Variants in RSRC1 observed in about 807,000 individuals in gnomAD.
RSRC1 encodes serine/Arginine-related protein 53.
In RSRC1, 39 loss-of-function variants were observed where a neutral mutation model predicts 49.1. That is an observed-to-expected ratio of 0.79 (90% CI 0.61 to 1.04). RSRC1 has a LOEUF of 1.04. Ranked by LOEUF, RSRC1 falls within the 50% of genes least tolerant of loss-of-function variation. The probability of loss-of-function intolerance (pLI) is 0.00; values close to 1 mark genes in which losing one functional copy is unlikely to be tolerated. For missense variants in RSRC1, 388 were observed against 402.4 expected (o/e 0.96, Z 0.31); for synonymous variants, 143 against 130.8 (o/e 1.09, Z -0.63).
intron 5 of RSRC1, among the ~76,000 whole-genome samples, chr3:158,311,116 T>C (rs1728096822): frequency 6.6e-6 from 1 of 151,876 alleles, no homozygotes; most frequent in African/African-American, 2.4e-5. Flanking sequence ...CCAATCAAAA[T>C]TAATCATTCC....
At chr3:158,513,341 G>T (rs1740295512) in intron 7 of RSRC1, among the ~76,000 whole-genome samples, 1 of 152,010 alleles carries the variant, frequency 6.6e-6, no homozygotes, top group African/African-American at 2.4e-5. Context: ...GTTGAATTTT[G>T]TCAAAGGCCT....
chr3:158,338,776 G>A (rs1470020013), intron 5 of RSRC1, among the ~76,000 whole-genome samples: 1 of 152,194 alleles, frequency 6.6e-6, no homozygotes, highest in Non-Finnish European at 1.5e-5. Context: ...AAGCAGTGTA[G>A]TATTGTTAAG....
chr3:158,166,413 G>T (rs1718541937), intron 3 of RSRC1, among the ~76,000 whole-genome samples: 1 of 152,106 alleles, frequency 6.6e-6, no homozygotes, highest in Admixed American at 6.6e-5. Flanking sequence ...AGGTTGTCAA[G>T]ATATATATGC....
intron 3 of RSRC1, among the ~76,000 whole-genome samples, chr3:158,199,032 G>A (rs1454022402): frequency 6.6e-6 from 1 of 152,130 alleles, no homozygotes; most frequent in Non-Finnish European, 1.5e-5. Context: ...ACGTGTGGTG[G>A]GAGGGACCCC....
chr3:158,254,407 C>G (rs1290818329), intron 4 of RSRC1, among the ~76,000 whole-genome samples: 1 of 152,130 alleles, frequency 6.6e-6, no homozygotes, highest in Non-Finnish European at 1.5e-5. Context: ...TTCTATTTCT[C>G]CACATCCTCT....
At chr3:158,393,042 A>G (rs1209116171) in intron 6 of RSRC1, among the ~76,000 whole-genome samples, 1 of 152,082 alleles carries the variant, frequency 6.6e-6, no homozygotes, top group Non-Finnish European at 1.5e-5. Flanking sequence ...ATATAATTAC[A>G]TGGAAATTAA....
chr3:158,470,373 T>C (rs1320404660), intron 7 of RSRC1, among the ~76,000 whole-genome samples: 14 of 148,602 alleles, frequency 9.4e-5, no homozygotes, highest in African/African-American at 3.5e-4. Context: ...TATATATATA[T>C]ATATATAAAA....
chr3:158,129,982 A>G (rs959605429), intron 3 of RSRC1, among the ~76,000 whole-genome samples: 1 of 152,166 alleles, frequency 6.6e-6, no homozygotes, highest in African/African-American at 2.4e-5. Context: ...TAGTGGTTTT[A>G]CACAGTTAGG....
intron 3 of RSRC1, among the ~76,000 whole-genome samples, chr3:158,202,807 A>G (rs1233580507): frequency 6.6e-6 from 1 of 151,904 alleles, no homozygotes; most frequent in Non-Finnish European, 1.5e-5. Flanking sequence ...AGATGTGAAT[A>G]ATTAAGACTA....
intron 3 of RSRC1, among the ~76,000 whole-genome samples, chr3:158,154,617 A>G (rs1278422074): frequency 6.6e-6 from 1 of 151,912 alleles, no homozygotes; most frequent in African/African-American, 2.4e-5. Flanking sequence ...GGCTCATGCC[A>G]CCATGCCCAG....
intron 7 of RSRC1, among the ~76,000 whole-genome samples, chr3:158,523,049 T>C (rs1711789961): frequency 6.6e-6 from 1 of 152,130 alleles, no homozygotes; most frequent in African/African-American, 2.4e-5. Flanking sequence ...AAATAAAGAT[T>C]TGCAATAGCA....
At chr3:158,501,089 A>G (rs1739571284) in intron 7 of RSRC1, among the ~76,000 whole-genome samples, 2 of 152,152 alleles carry the variant, frequency 1.3e-5, no homozygotes, top group Non-Finnish European at 2.9e-5. Context: ...AAGAATTTTT[A>G]AATTCCTATC....
rs145707142 is a variant in RSRC1 at position 158,131,446 on chromosome 3, C to T, written c.320+7455C>T. Among the ~76,000 whole-genome samples the T allele has an allele frequency of 2.5e-4, 38 of 151,972 alleles. No homozygotes were observed. The East Asian group carries it at 2.5e-3, about 10-fold the overall frequency. On this transcript the variant is annotated intron_variant, in intron 3 of 9. Coordinates refer to ENST00000611884, the MANE Select transcript of RSRC1 (RefSeq NM_001271838.2). Reference sequence around the variant, plus strand: ...TATGTACTGAAGACCCCATGGTCAGCGTGATTTTTGTTTTATTGCCTAATG... The same window carrying T: ...TATGTACTGAAGACCCCATGGTCAGTGTGATTTTTGTTTTATTGCCTAATG...
At chr3:158,145,706 T>A (rs917381740) in intron 3 of RSRC1, among the ~76,000 whole-genome samples, 2 of 152,232 alleles carry the variant, frequency 1.3e-5, no homozygotes, top group African/African-American at 4.8e-5. Flanking sequence ...GCATTGAATC[T>A]ATAAATTACC....
chr3:158,259,614 A>G (rs1379077509), intron 4 of RSRC1, among the ~76,000 whole-genome samples: 2 of 152,148 alleles, frequency 1.3e-5, no homozygotes, highest in African/African-American at 2.4e-5. Context: ...CAGTGGCTCT[A>G]CAATCCACAG....
intron 4 of RSRC1, among the ~76,000 whole-genome samples, chr3:158,233,285 A>T (rs1015544801): frequency 6.6e-6 from 1 of 152,050 alleles, no homozygotes; most frequent in African/African-American, 2.4e-5. Context: ...ATTTTCCTGA[A>T]ATTATTATAG....
At chr3:158,124,487 A>G (rs1715488579) in intron 3 of RSRC1, among the ~76,000 whole-genome samples, 1 of 152,148 alleles carries the variant, frequency 6.6e-6, no homozygotes, top group South Asian at 2.1e-4. Flanking sequence ...GATTTTGAAA[A>G]GGATTGACAT....
chr3:158,509,780 T>C (rs1740055955), intron 7 of RSRC1, among the ~76,000 whole-genome samples: 1 of 152,200 alleles, frequency 6.6e-6, no homozygotes, highest in Non-Finnish European at 1.5e-5. Flanking sequence ...AGTTTATTCA[T>C]TTTCACTGTT....
At chr3:158,438,416 C>G (rs1419772938) in intron 6 of RSRC1, among the ~76,000 whole-genome samples, 1 of 152,158 alleles carries the variant, frequency 6.6e-6, no homozygotes, top group African/African-American at 2.4e-5. Flanking sequence ...TGACTTCAAA[C>G]TATAATACAA....
Sources: allele counts gnomAD v4.1 joint callset (sites outside exome capture counted in the v4.1 genomes callset), GRCh38; gene constraint gnomAD v4.1.1; transcripts MANE v1.5; gene names NCBI Gene and HGNC (gene_info 2026-07-23, HGNC 2026-07-21).